DSCAML1: variants seen among roughly 807,000 people sequenced by gnomAD.
The protein encoded by DSCAML1 is cell adhesion molecule DSCAML1.
Under a neutral mutation model 200.5 loss-of-function variants are expected in DSCAML1, and 38 were observed. That is an observed-to-expected ratio of 0.19 (90% CI 0.15 to 0.25). The LOEUF (loss-of-function observed/expected upper bound fraction) is 0.25, where lower values mean the gene tolerates loss of function less well. Among genes scored for constraint, DSCAML1 ranks in the 10% least tolerant of loss-of-function variants. The pLI, the probability that DSCAML1 is intolerant of heterozygous loss-of-function variation, is 1.00. For missense variants in DSCAML1, 2,223 were observed against 2,858.8 expected (o/e 0.78, Z 5.07); for synonymous variants, 1,215 against 1,165.0 (o/e 1.04, Z -0.87).
chr11:117,725,801 CACAAAACAAAACAAA>C (rs72442656), intron 3 of DSCAML1, among the ~76,000 whole-genome samples: 2,375 of 147,876 alleles, frequency 0.016, 25 homozygotes, highest in Middle Eastern at 0.038. Context: ...GGTTATGCTA[CACAAAACAAAACAAA>C]ACAAAACAAA....
intron 3 of DSCAML1, among the ~76,000 whole-genome samples, chr11:117,534,028 C>G (rs1341451120): frequency 1.3e-5 from 2 of 152,162 alleles, no homozygotes. Context: ...CATGCTGAAC[C>G]CACAGGAAGA....
intron 3 of DSCAML1, among the ~76,000 whole-genome samples, chr11:117,647,752 G>A (rs1168207484): frequency 6.6e-6 from 1 of 152,198 alleles, no homozygotes; most frequent in Non-Finnish European, 1.5e-5. Context: ...AGAAGATACA[G>A]TGGAGGGAGA....
intron 20 of DSCAML1, among the ~76,000 whole-genome samples, chr11:117,448,933 T>C (rs2048232190): frequency 6.6e-6 from 1 of 151,614 alleles, no homozygotes; most frequent in African/African-American, 2.4e-5. Context: ...ATTTGAAGAG[T>C]TCCAAACTGA....
At chr11:117,452,443 AATGAT>A (rs1191751444) in intron 19 of DSCAML1, among the ~76,000 whole-genome samples, 1 of 152,174 alleles carries the variant, frequency 6.6e-6, no homozygotes, top group African/African-American at 2.4e-5. Flanking sequence ...AGACAGTTTG[AATGAT>A]ATGTCTTATT....
rs537998692 is a variant in DSCAML1 at position 117,487,656 on chromosome 11, T to C, written c.2360-5494A>G. Among the ~76,000 whole-genome samples the C allele has an allele frequency of 2.6e-5, 4 of 152,280 alleles. No individual in the cohort carries two copies. The South Asian group carries it at 8.3e-4, about 32-fold the overall frequency. ...TGTTCCTAACATTAACCAAGAAATA[T>C]CAGGTCTTGTTCTGGGGACCCTATT... On this transcript the variant is annotated intron_variant, in intron 11 of 32. Transcript: ENST00000651296.
intron 3 of DSCAML1, among the ~76,000 whole-genome samples, chr11:117,559,320 C>T (rs1048439677): frequency 6.6e-6 from 1 of 152,172 alleles, no homozygotes; most frequent in African/African-American, 2.4e-5. Flanking sequence ...GTCATGCCCT[C>T]AGGCCAAATC....
At chr11:117,728,505 C>T (rs2054169448) in intron 3 of DSCAML1, among the ~76,000 whole-genome samples, 1 of 148,828 alleles carries the variant, frequency 6.7e-6, no homozygotes. Context: ...TATCTTTTCT[C>T]TATTTGTAGA....
intron 14 of DSCAML1, among the ~76,000 whole-genome samples, chr11:117,474,213 C>G (rs968207676): frequency 6.6e-5 from 10 of 152,176 alleles, no homozygotes; most frequent in African/African-American, 2.4e-4. Flanking sequence ...CTTCGCGGCA[C>G]CAAACCCAAT....
Position 117,617,678 on chromosome 11 carries a change from ACG to A in DSCAML1, c.512-85158_512-85157del, listed in dbSNP as rs879895448. ...CTGCCACAAGACAACACACAGGTAC[ACG>A]CACACACACACACACACACACACAC... On this transcript the variant is annotated intron_variant, in intron 3 of 32. Coordinates refer to ENST00000651296, the MANE Select transcript of DSCAML1 (RefSeq NM_020693.4). 5.7e-4 allele frequency among the ~76,000 whole-genome samples: 60 copies of A among 106,054 alleles called. 1 individual carries two copies. The South Asian group carries it at 0.015, about 27-fold the overall frequency. 69.6% of individuals were successfully genotyped at this position (106,054 alleles called of 152,430 possible).
At chr11:117,673,163 A>G (rs2053145849) in intron 3 of DSCAML1, among the ~76,000 whole-genome samples, 1 of 152,196 alleles carries the variant, frequency 6.6e-6, no homozygotes, top group Admixed American at 6.5e-5. Flanking sequence ...CTGCCAGTCT[A>G]ACTGTGATCA....
intron 3 of DSCAML1, among the ~76,000 whole-genome samples, chr11:117,549,598 C>A (rs1341314126): frequency 1.3e-5 from 2 of 152,196 alleles, no homozygotes; most frequent in Non-Finnish European, 2.9e-5. Context: ...AAGTGCCAGG[C>A]CCAGCGCCTG....
intron 3 of DSCAML1, among the ~76,000 whole-genome samples, chr11:117,538,443 C>T (rs970816766): frequency 6.6e-6 from 1 of 152,188 alleles, no homozygotes; most frequent in Non-Finnish European, 1.5e-5. Context: ...GCTGCCGGGC[C>T]CCCAGCGCCT....
rs558652806 is a variant in DSCAML1 at position 117,543,715 on chromosome 11, T to A, written c.512-11193A>T. 2.0e-5 allele frequency among the ~76,000 whole-genome samples: 3 copies of A among 152,348 alleles called. No individual in the cohort carries two copies. The South Asian group carries it at 6.2e-4, about 32-fold the overall frequency. ...AGGGATTCTAAACCCCGATTTTCTC[T>A]GTTCGTGGAGTTCTTCTGTGGTGTC... is the stretch of plus-strand genomic sequence containing the variant. On this transcript the variant is annotated intron_variant, in intron 3 of 32. Coordinates refer to ENST00000651296, the MANE Select transcript of DSCAML1 (RefSeq NM_020693.4).
At chr11:117,757,200 A>G (rs2054708808) in intron 3 of DSCAML1, among the ~76,000 whole-genome samples, 1 of 152,242 alleles carries the variant, frequency 6.6e-6, no homozygotes, top group African/African-American at 2.4e-5. Flanking sequence ...CCTACACTTC[A>G]ATATGACTTT....
intron 17 of DSCAML1, among the ~76,000 whole-genome samples, chr11:117,462,793 A>T (rs1456746605): frequency 6.6e-6 from 1 of 152,224 alleles, no homozygotes; most frequent in Admixed American, 6.5e-5. Flanking sequence ...GAGTGCTAAT[A>T]TTGCCAGGAA....
At chr11:117,721,840 C>G (rs1287088225) in intron 3 of DSCAML1, among the ~76,000 whole-genome samples, 1 of 148,830 alleles carries the variant, frequency 6.7e-6, no homozygotes, top group Non-Finnish European at 1.5e-5. Flanking sequence ...CAGAGTCTCG[C>G]TGTCGCCCAG....
intron 3 of DSCAML1, among the ~76,000 whole-genome samples, chr11:117,748,071 G>T (rs1411285993): frequency 6.6e-6 from 1 of 152,204 alleles, no homozygotes; most frequent in African/African-American, 2.4e-5. Context: ...TTTACAAGCT[G>T]TGTGGCCTTG....
At chr11:117,548,454 T>C (rs756595768) in intron 3 of DSCAML1, among the ~76,000 whole-genome samples, 1 of 152,132 alleles carries the variant, frequency 6.6e-6, no homozygotes, top group Non-Finnish European at 1.5e-5. Flanking sequence ...GCAAGGCCCC[T>C]CTTAGACCCT....
chr11:117,516,663 G>C lies in DSCAML1; in HGVS notation c.1587C>G (p.Ile529Met). ...GRDTLINCRV[I>M]GYPYYSIKWY... ...ACTTGATGGAGTAGTAGGGATAGCCGATGACCCTGCAGTTGATAAGGGTGT... is the reference window on the plus strand; with the variant it reads ...ACTTGATGGAGTAGTAGGGATAGCCCATGACCCTGCAGTTGATAAGGGTGT... Residue 529 changes from isoleucine (I) to methionine (M), a missense_variant, in exon 8 of 33, where the codon ATC (isoleucine) becomes ATG (methionine). Physicochemically the swap from Ile to Met is conservative, Grantham distance 10. Coordinates refer to ENST00000651296, the MANE Select transcript of DSCAML1 (RefSeq NM_020693.4). The surrounding 1 kb of genome is among the most constrained non-coding windows in gnomAD (Gnocchi z 5.7). The C allele has an allele frequency of 6.2e-7, 1 of 1,614,034 alleles. No homozygotes were observed. The highest frequency in any genetic ancestry group is 1.1e-5 in the South Asian group (1 of 91,060).
Sources: gnomAD v4.1 joint callset for allele counts (sites outside exome capture counted in the v4.1 genomes callset) on GRCh38, gnomAD v4.1.1 for gene constraint, Gnocchi (gnomAD v3.1) non-coding constraint, MANE v1.5 for transcripts, NCBI Gene and HGNC (gene_info 2026-07-23, HGNC 2026-07-21) for gene names.